CHL1: variants seen among roughly 807,000 people sequenced by gnomAD.
CHL1 encodes neural cell adhesion molecule L1-like protein.
A neutral mutation model predicts 141.9 loss-of-function variants in CHL1; 96 were observed. The observed-to-expected ratio is 0.68, with a 90% CI of 0.57 to 0.80. The LOEUF (loss-of-function observed/expected upper bound fraction) is 0.80, where lower values mean the gene tolerates loss of function less well. CHL1 is among the 30% of genes least tolerant of loss of function. The probability of loss-of-function intolerance (pLI) is 0.00; values close to 1 mark genes in which losing one functional copy is unlikely to be tolerated. For synonymous variants in CHL1, 613 were observed against 502.2 expected, an observed-to-expected ratio of 1.22 and a Z score of -2.95; for missense variants, 1,820 against 1,457.2, an observed-to-expected ratio of 1.25 and a Z score of -4.05.
intron 2 of CHL1, among the ~76,000 whole-genome samples, chr3:284,610 G>C (rs1696964616): frequency 6.6e-6 from 1 of 152,186 alleles, no homozygotes; most frequent in South Asian, 2.1e-4. Context: ...AATATCCTGT[G>C]TGATAAGAAC....
At chr3:241,351 TTGATGTAGAGGGTA>T (rs1692537773) in intron 1 of CHL1, among the ~76,000 whole-genome samples, 1 of 152,172 alleles carries the variant, frequency 6.6e-6, no homozygotes, top group Admixed American at 6.5e-5. Flanking sequence ...AGTCATAGGT[TTGATGTAGAGGGTA>T]TGTTGTGTGA....
intron 2 of CHL1, among the ~76,000 whole-genome samples, chr3:319,071 A>G (rs1306800986): frequency 6.6e-6 from 1 of 151,774 alleles, no homozygotes; most frequent in Non-Finnish European, 1.5e-5. Context: ...AAAACCAAAT[A>G]CCACATGTTC....
intron 19 of CHL1, among the ~76,000 whole-genome samples, chr3:388,965 C>T (rs1435637438): frequency 6.6e-6 from 1 of 152,238 alleles, no homozygotes; most frequent in African/African-American, 2.4e-5. Flanking sequence ...TTCTTTGTAA[C>T]TTCCTTCGTG....
At chr3:293,869 C>A (rs907750768) in intron 2 of CHL1, among the ~76,000 whole-genome samples, 1 of 146,778 alleles carries the variant, frequency 6.8e-6, no homozygotes, top group Non-Finnish European at 1.5e-5. Flanking sequence ...TCAAGCAATT[C>A]TCCTGCCTCA....
intron 20 of CHL1, 45 bp from the exon 21 acceptor site, chr3:390,656 C>G: frequency 8.9e-7 from 1 of 1,125,382 alleles, no homozygotes; most frequent in African/African-American, 1.5e-5. Context: ...CTAACAATCA[C>G]ATTTGCAGGT....
chr3:375,765 C>T (rs1457963211), intron 15 of CHL1, among the ~76,000 whole-genome samples: 1 of 152,090 alleles, frequency 6.6e-6, no homozygotes, highest in Non-Finnish European at 1.5e-5. Context: ...ATATTGTTAT[C>T]CCCATTTTTC....
chr3:243,241 G>GT (rs1330820791), intron 1 of CHL1, among the ~76,000 whole-genome samples: 1 of 152,110 alleles, frequency 6.6e-6, no homozygotes, highest in Non-Finnish European at 1.5e-5. Context: ...AGAGACTGTC[G>GT]TAACACACAT....
intron 19 of CHL1, among the ~76,000 whole-genome samples, chr3:388,495 C>T (rs966600244): frequency 2.0e-5 from 3 of 149,254 alleles, no homozygotes; most frequent in Non-Finnish European, 3.0e-5. Flanking sequence ...TGCCGTGAGC[C>T]GAGATCACAC....
chr3:206,327 G>T (rs1018212612), intron 1 of CHL1, among the ~76,000 whole-genome samples: 8 of 152,068 alleles, frequency 5.3e-5, no homozygotes, highest in African/African-American at 1.9e-4. Context: ...AATTAGCTGG[G>T]CATGATGGCA....
At chr3:214,800 A>G (rs750250643) in intron 1 of CHL1, among the ~76,000 whole-genome samples, 11 of 152,208 alleles carry the variant, frequency 7.2e-5, no homozygotes, top group Non-Finnish European at 1.6e-4. Context: ...ATGAGAGAGT[A>G]TAAAGCAATA....
rs1460878498 is a variant in CHL1, at chr3:407,263, T to C, written c.*1552T>C. The C allele has an allele frequency of 6.6e-6, 1 of 152,156 alleles. No individual in the cohort carries two copies. Among genetic ancestry groups the C allele is most frequent in the Non-Finnish European group, 1.5e-5 (1 of 68,020 alleles). 9.4% of individuals were successfully genotyped at this position (152,156 alleles called of 1,614,324 possible). On this transcript the variant is annotated 3_prime_UTR_variant, in exon 28 of 28. Coordinates refer to ENST00000256509, the MANE Select transcript of CHL1 (RefSeq NM_006614.4). ...TGAACTGTGATTATTGGTATACTGT[T>C]ATATCCTCAACTTGGATTTATGGTA...
intron 26 of CHL1, among the ~76,000 whole-genome samples, chr3:400,051 C>T (rs1000903323): frequency 3.3e-5 from 5 of 152,120 alleles, no homozygotes; most frequent in Admixed American, 1.3e-4. Flanking sequence ...TTCAGATATA[C>T]ATATTGTATC....
At position 401,629 on chromosome 3, in the gene CHL1, A is replaced by C; in HGVS notation, c.3389A>C (p.Lys1130Thr). ...KRNRGGKYSV[K>T]EKEDLHPDPE... ...CCACTTTTTTTCTCTTTTTTAGTTA[A>C]AGAAAAGGAAGATTTGCATCCAGAC... The change falls in exon 27 of 28, where the codon AAA becomes ACA. Residue 1130 changes from lysine to threonine, a missense_variant. By Grantham distance (78) the Lys-to-Thr change is moderately conservative (BLOSUM62 -1). Transcript: ENST00000256509. The C allele has an allele frequency of 6.3e-7, 1 of 1,581,682 alleles. No individual in the cohort carries two copies.
At chr3:338,337 T>A (rs558697778) in intron 5 of CHL1, among the ~76,000 whole-genome samples, 4 of 152,354 alleles carry the variant, frequency 2.6e-5, no homozygotes, top group Non-Finnish European at 5.9e-5. Flanking sequence ...AATATTTTTT[T>A]AATTTACTTT....
chr3:386,269 G>A (rs1263250715), intron 19 of CHL1, among the ~76,000 whole-genome samples: 1 of 149,946 alleles, frequency 6.7e-6, no homozygotes, highest in Non-Finnish European at 1.5e-5. Context: ...TGAGCAGTAG[G>A]AACAGACTGG....
chr3:303,783 G>C (rs1331305336), intron 2 of CHL1, among the ~76,000 whole-genome samples: 1 of 152,178 alleles, frequency 6.6e-6, no homozygotes, highest in Non-Finnish European at 1.5e-5. Context: ...TGGTGAGAGA[G>C]GGCATCCTTG....
At position 387,695 on chromosome 3, in the gene CHL1, A is replaced by T. The variant is rs149051803; in HGVS notation, c.2248-1557A>T. ...GATTGCAGTACGGCACTACAAGCCCATGGCCTAATTCACTGGGACAATGCT... is the reference window on the plus strand; with the variant it reads ...GATTGCAGTACGGCACTACAAGCCCTTGGCCTAATTCACTGGGACAATGCT... On this transcript the variant is annotated intron_variant, in intron 19 of 27. Transcript: ENST00000256509. 8.8e-3 allele frequency among the ~76,000 whole-genome samples: 1,340 copies of T among 152,344 alleles called. 13 individuals are homozygous for T. The highest frequency in any genetic ancestry group is 0.03 in the South Asian group (146 of 4,822).
At chr3:298,526 A>G (rs1698416238) in intron 2 of CHL1, among the ~76,000 whole-genome samples, 1 of 152,190 alleles carries the variant, frequency 6.6e-6, no homozygotes, top group Non-Finnish European at 1.5e-5. Flanking sequence ...TTTTTCCAGG[A>G]GACCATGCCC....
At position 267,287 on chromosome 3, in the gene CHL1, G is replaced by A. The variant is rs74565990; in HGVS notation, c.-95+22595G>A. On this transcript the variant is annotated intron_variant, in intron 2 of 27. Transcript: ENST00000256509. The stretch of plus-strand genomic sequence containing the variant: ...GAAGAGTCTCACCATCATTTCCCTG[G>A]TGACCTGTGGGCACAGAATTTAATG... Among the ~76,000 whole-genome samples the A allele has an allele frequency of 1.8e-3, 270 of 152,266 alleles. 3 individuals carry two copies. Among genetic ancestry groups the A allele is most frequent in the African/African-American group, 6.1e-3 (252 of 41,548 alleles).
Sources: allele counts gnomAD v4.1 joint callset (sites outside exome capture counted in the v4.1 genomes callset), GRCh38; gene constraint gnomAD v4.1.1; transcripts MANE v1.5; gene names NCBI Gene and HGNC (gene_info 2026-07-23, HGNC 2026-07-21).